DOC2B: variants seen among roughly 807,000 people sequenced by gnomAD.
The protein encoded by DOC2B is double C2 domain beta.
A neutral mutation model predicts 28.9 loss-of-function variants in DOC2B; 21 were observed. That is an observed-to-expected ratio of 0.73 (90% CI 0.52 to 1.05). DOC2B has a LOEUF of 1.05. Ranked by LOEUF, DOC2B falls within the 50% of genes least tolerant of loss-of-function variation. The probability of loss-of-function intolerance (pLI) is 0.00; values close to 1 mark genes in which losing one functional copy is unlikely to be tolerated. For synonymous variants in DOC2B, 194 were observed against 178.1 expected, an observed-to-expected ratio of 1.09 and a Z score of -0.71; for missense variants, 384 against 421.1, an observed-to-expected ratio of 0.91 and a Z score of 0.77.
chr17:152,631 G>C (rs1291595180), intron 6 of DOC2B, among the ~76,000 whole-genome samples: 1 of 152,192 alleles, frequency 6.6e-6, no homozygotes, highest in East Asian at 1.9e-4. Flanking sequence ...AACTAGCCAG[G>C]CGTGGTGGTG....
At chr17:161,173 AGC>A in intron 5 of DOC2B, among the ~76,000 whole-genome samples, 1 of 152,184 alleles carries the variant, frequency 6.6e-6, no homozygotes, top group East Asian at 1.9e-4. Context: ...AGCCCAGGCC[AGC>A]GAGCCTGGTA....
rs1055456233 is a variant in DOC2B at position 146,101 on chromosome 17, C to G, written c.*1340G>C. ...CACTCAGGGGAGCAGACAGGCCCACCAGCCAGGGTGATTCTTGCTCAGCTC... is the reference window on the plus strand; with the variant it reads ...CACTCAGGGGAGCAGACAGGCCCACGAGCCAGGGTGATTCTTGCTCAGCTC... On this transcript the variant is annotated 3_prime_UTR_variant, in exon 9 of 9. Transcript: ENST00000613549. 3 of 152,280 alleles carry G rather than the reference C, an allele frequency of 2.0e-5. No individual in the cohort carries two copies. Among genetic ancestry groups the G allele is most frequent in the African/African-American group, 7.2e-5 (3 of 41,454 alleles). 9.4% of individuals were successfully genotyped at this position (152,280 alleles called of 1,614,324 possible).
intron 1 of DOC2B, among the ~76,000 whole-genome samples, chr17:177,714 C>CAT (rs2040386912): frequency 6.6e-6 from 1 of 152,266 alleles, no homozygotes; most frequent in Non-Finnish European, 1.5e-5. Flanking sequence ...GAGCCTGCCA[C>CAT]ATAGTTGGTG....
intron 3 of DOC2B, 28 bp from the exon 4 acceptor site, chr17:162,218 G>C: frequency 6.7e-7 from 1 of 1,491,338 alleles, no homozygotes; most frequent in Non-Finnish European, 9.2e-7. Flanking sequence ...GATCTTATTA[G>C]CATCAAAGTG....
chr17:152,334 C>T (rs570438140), intron 6 of DOC2B, among the ~76,000 whole-genome samples: 2 of 152,182 alleles, frequency 1.3e-5, no homozygotes, highest in African/African-American at 2.4e-5. Flanking sequence ...AGGGATATTA[C>T]GTGTAACTCG....
Position 147,440 on chromosome 17 carries a change from G to A in DOC2B, c.*1C>T, listed in dbSNP as rs1361201727. On this transcript the variant is annotated 3_prime_UTR_variant, in exon 9 of 9. Transcript: ENST00000613549. Reference sequence around the variant, plus strand: ...GCAGGGGTAGCAGTGGCGGGTGGGCGTCAGTCGCTGAGCACAGCCCCTGGG... The same window carrying A: ...GCAGGGGTAGCAGTGGCGGGTGGGCATCAGTCGCTGAGCACAGCCCCTGGG... 2.5e-5 allele frequency: 10 copies of A among 398,838 alleles called. No individual in the cohort carries two copies. The highest frequency in any genetic ancestry group is 8.8e-5 in the Admixed American group (2 of 22,746). 24.7% of individuals were successfully genotyped at this position (398,838 alleles called of 1,614,324 possible). A position where few individuals can be genotyped will look rare whatever the true frequency, so the allele number is the denominator to read the frequency against.
At chr17:153,474 G>A (rs2040094876) in intron 6 of DOC2B, among the ~76,000 whole-genome samples, 1 of 152,156 alleles carries the variant, frequency 6.6e-6, no homozygotes, top group Admixed American at 6.5e-5. Flanking sequence ...AGGCCAGGGT[G>A]GGTGGATCAC....
intron 1 of DOC2B, among the ~76,000 whole-genome samples, chr17:179,274 G>C (rs1169715559): frequency 6.6e-6 from 1 of 152,174 alleles, no homozygotes; most frequent in Non-Finnish European, 1.5e-5. Flanking sequence ...CAGGCCAGGG[G>C]CCCAGCCCTG....
At chr17:157,675 C>G (rs1597821026) in intron 5 of DOC2B, among the ~76,000 whole-genome samples, 1 of 152,154 alleles carries the variant, frequency 6.6e-6, no homozygotes, top group African/African-American at 2.4e-5. Flanking sequence ...AATTCCTGAC[C>G]TCAAGTGATC....
At chr17:170,522 G>A (rs879614451) in intron 2 of DOC2B, among the ~76,000 whole-genome samples, 6 of 152,082 alleles carry the variant, frequency 3.9e-5, no homozygotes. Context: ...AGGCTGGGTG[G>A]GGCCTGGGCC....
In DOC2B at chr17:181,118, GACTCGTAGCC is replaced by G. The variant is rs1415695104; in HGVS notation, c.352_361del (p.Gly118ArgfsTer33). On this transcript the variant is annotated frameshift_variant, in exon 1 of 9. Transcript: ENST00000613549. LOFTEE classifies it high-confidence loss of function. This position sits in a 1 kb window ranked among gnomAD's most constrained non-coding sequence, Gnocchi z 7.0. The stretch of plus-strand genomic sequence containing the variant: ...CGTGGGAAACTTACTGCAGTCGTCC[GACTCGTAGCC>G]GTCGGCGTCCGGCTCGTCCTCCGGC... 2 of 1,251,704 alleles carry G rather than the reference GACTCGTAGCC, an allele frequency of 1.6e-6. No homozygotes were observed. The highest frequency in any genetic ancestry group is 2.0e-6 in the Non-Finnish European group (2 of 998,064). 77.5% of individuals were successfully genotyped at this position (1,251,704 alleles called of 1,614,324 possible).
intron 1 of DOC2B, among the ~76,000 whole-genome samples, chr17:180,205 G>A (rs531951338): frequency 3.3e-5 from 5 of 152,226 alleles, no homozygotes; most frequent in African/African-American, 1.2e-4. Context: ...TCCCCACCCC[G>A]CGCAAACCGA....
rs1040519820 is a variant in DOC2B, at chr17:181,493, C to A, written c.-14G>T. On this transcript the variant is annotated 5_prime_UTR_variant, in exon 1 of 9. Transcript: ENST00000613549. This position sits in a 1 kb window ranked among gnomAD's most constrained non-coding sequence, Gnocchi z 7.0. ...CCGGAGGGTCATGCAGGCAGCGCCGCCCCGCCCCGGGCGCGGCCCGGCCCG... is the reference window on the plus strand; with the variant it reads ...CCGGAGGGTCATGCAGGCAGCGCCGACCCGCCCCGGGCGCGGCCCGGCCCG... 9.8e-7 allele frequency: 1 copy of A among 1,018,588 alleles called. No individual in the cohort carries two copies. Among genetic ancestry groups the A allele is most frequent in the African/African-American group, 1.7e-5 (1 of 57,244 alleles). 63.1% of individuals were successfully genotyped at this position (1,018,588 alleles called of 1,614,324 possible). A position where few individuals can be genotyped will look rare whatever the true frequency, so the allele number is the denominator to read the frequency against.
chr17:148,038 GAGA>G, intron 8 of DOC2B, 132 bp downstream of exon 8: 1 of 396,312 alleles, frequency 2.5e-6, no homozygotes. Context: ...GGTCAGGCTG[GAGA>G]AGGTCTGAGG....
chr17:156,366 A>T lies in DOC2B; in HGVS notation c.777T>A (p.Thr259=), dbSNP rs2294076. 6.4e-7 allele frequency: 1 copy of T among 1,551,164 alleles called. No homozygotes were observed. The highest frequency in any genetic ancestry group is 8.7e-7 in the Non-Finnish European group (1 of 1,146,850). ...CLEKQLPVDK[T]EDKSLEERGR... ...CCCGCTCCTCCAGGGACTTGTCTTC[A>T]GTCTTGTCCACCTGTTGGACGGGAC... is the stretch of plus-strand genomic sequence containing the variant. Residue 259 remains threonine, a synonymous_variant, in exon 6 of 9, where the codon ACT becomes ACA. Coordinates refer to ENST00000613549, the MANE Select transcript of DOC2B (RefSeq NM_003585.5).
chr17:152,727 G>A lies in DOC2B; in HGVS notation c.923+3493C>T, dbSNP rs139292994. Among the ~76,000 whole-genome samples, 694 of 152,276 alleles carry A rather than the reference G, an allele frequency of 4.6e-3. 5 individuals carry two copies. The highest frequency in any genetic ancestry group is 0.015 in the African/African-American group (605 of 41,548). On this transcript the variant is annotated intron_variant, in intron 6 of 8. Coordinates refer to ENST00000613549, the MANE Select transcript of DOC2B (RefSeq NM_003585.5). ...TTTGAGGCTGCTGTGAGCTGTGATCGCATCACTGCATTCCAGCCCGGTGAC... is the reference window on the plus strand; with the variant it reads ...TTTGAGGCTGCTGTGAGCTGTGATCACATCACTGCATTCCAGCCCGGTGAC...
At chr17:149,752 T>C (rs1020410344) in intron 6 of DOC2B, among the ~76,000 whole-genome samples, 51 of 152,302 alleles carry the variant, frequency 3.3e-4, no homozygotes, top group African/African-American at 1.0e-3. Flanking sequence ...GTGATCCACC[T>C]GCCTCGGCCT....
chr17:147,598 C>A (rs2040029836), intron 8 of DOC2B, 21 bp from the exon 9 acceptor site: 1 of 398,836 alleles, frequency 2.5e-6, no homozygotes, highest in Non-Finnish European at 4.4e-6. Flanking sequence ...ACAGGAGGGG[C>A]AGCTGGGGCA....
intron 8 of DOC2B, 113 bp downstream of exon 8, chr17:148,060 C>T (rs1407543162): frequency 2.0e-5 from 8 of 397,022 alleles, no homozygotes; most frequent in Admixed American, 8.8e-5. Flanking sequence ...GGCCCCTGAC[C>T]TAGGGGCAGG....
Sources: gnomAD v4.1 joint callset for allele counts (sites outside exome capture counted in the v4.1 genomes callset) on GRCh38, gnomAD v4.1.1 for gene constraint, Gnocchi (gnomAD v3.1) non-coding constraint, MANE v1.5 for transcripts, NCBI Gene and HGNC (gene_info 2026-07-23, HGNC 2026-07-21) for gene names.